SLCO1B3: variants seen among roughly 807,000 people sequenced by gnomAD.
SLCO1B3 encodes the protein liver-specific organic anion transporter 2.
SLCO1B3 carries 72 observed loss-of-function variants against 71.8 expected under a neutral mutation model. The observed-to-expected ratio is 1.00, with a 90% CI of 0.83 to 1.22. SLCO1B3 has a LOEUF of 1.22. Among genes scored for constraint, SLCO1B3 ranks in the 50% most tolerant of loss-of-function variants. The pLI, the probability that SLCO1B3 is intolerant of heterozygous loss-of-function variation, is 0.00. For synonymous variants in SLCO1B3, 298 were observed against 278.4 expected (o/e 1.07, Z -0.70); for missense variants, 911 against 819.7 (o/e 1.11, Z -1.36).
rs942086296 is a variant in SLCO1B3 at position 20,862,804 on chromosome 12, T to C, written c.677T>C (p.Leu226Pro). Residue 226 changes from leucine (L) to proline (P), a missense_variant, in exon 8 of 16, where the codon CTG (leucine) becomes CCG (proline). Coordinates refer to ENST00000381545, the MANE Select transcript of SLCO1B3 (RefSeq NM_019844.4). ...ATTGGTCCAGTCATTGGCTTTGCAC[T>C]GGGATCTCTGTTTGCTAAAATGTAC... The part of the protein sequence containing the change: ...GMIGPVIGFA[L>P]GSLFAKMYVD... The C allele has an allele frequency of 6.2e-7, 1 of 1,611,984 alleles. No homozygotes were observed. The highest frequency in any genetic ancestry group is 8.5e-7 in the Non-Finnish European group (1 of 1,178,188).
intron 3 of SLCO1B3, among the ~76,000 whole-genome samples, chr12:20,844,351 G>C (rs1057355891): frequency 1.1e-4 from 17 of 152,034 alleles, no homozygotes. Flanking sequence ...CGAATCACTT[G>C]AGGTTGGGAG....
chr12:20,911,723 ATGT>A (rs1345548370), intron 15 of SLCO1B3, among the ~76,000 whole-genome samples: 1 of 152,066 alleles, frequency 6.6e-6, no homozygotes, highest in African/African-American at 2.4e-5. Flanking sequence ...TGGGGGCATG[ATGT>A]TGTTTATGGC....
At chr12:20,819,649 T>C (rs1361113719) in intron 3 of SLCO1B3, among the ~76,000 whole-genome samples, 1 of 152,054 alleles carries the variant, frequency 6.6e-6, no homozygotes, top group African/African-American at 2.4e-5. Context: ...TTAGGACAGG[T>C]AAAATGGGGG....
chr12:20,874,128 G>A (rs1274390074), intron 8 of SLCO1B3, among the ~76,000 whole-genome samples: 2 of 152,142 alleles, frequency 1.3e-5, no homozygotes, highest in Non-Finnish European at 2.9e-5. Flanking sequence ...ACCCAGTAAA[G>A]GGATTGCTGG....
intron 3 of SLCO1B3, among the ~76,000 whole-genome samples, chr12:20,835,723 G>C (rs4370982): frequency 0.041 from 6,196 of 152,162 alleles, 167 homozygotes; most frequent in East Asian, 0.094. Flanking sequence ...ACATCTTCCT[G>C]TCTTCTGAGC....
chr12:20,901,791 T>A (rs1456824358), intron 15 of SLCO1B3: 7 of 350,690 alleles, frequency 2.0e-5, no homozygotes, highest in Admixed American at 1.9e-4. Context: ...CAAAGCTCTC[T>A]CCCACTGGCT....
At chr12:20,853,192 A>G (rs1021910931) in intron 3 of SLCO1B3, among the ~76,000 whole-genome samples, 4 of 152,084 alleles carry the variant, frequency 2.6e-5, no homozygotes, top group Admixed American at 2.0e-4. Context: ...TTTTGTATCA[A>G]TATTCACCAG....
At chr12:20,893,740 A>G (rs1336242690) in intron 13 of SLCO1B3, among the ~76,000 whole-genome samples, 1 of 152,188 alleles carries the variant, frequency 6.6e-6, no homozygotes, top group Non-Finnish European at 1.5e-5. Context: ...AAAAAGAGTA[A>G]GAGAGTGAGT....
intron 3 of SLCO1B3, among the ~76,000 whole-genome samples, chr12:20,832,047 G>A (rs916919351): frequency 2.6e-5 from 4 of 152,164 alleles, no homozygotes; most frequent in African/African-American, 7.2e-5. Flanking sequence ...CTGAATTCAG[G>A]CAGTCTGATT....
intron 3 of SLCO1B3, among the ~76,000 whole-genome samples, chr12:20,820,752 G>A (rs1333541329): frequency 2.0e-5 from 3 of 151,960 alleles, no homozygotes; most frequent in East Asian, 1.9e-4. Context: ...TAGGGTCTAG[G>A]GCTGTAAAGC....
chr12:20,877,826 T>G lies in SLCO1B3; in HGVS notation c.1025T>G (p.Leu342Arg), dbSNP rs1865612344. 6.4e-7 allele frequency: 1 copy of G among 1,572,604 alleles called. No individual in the cohort carries two copies. The highest frequency in any genetic ancestry group is 1.2e-5 in the South Asian group (1 of 83,278). ...ILTNPLYVIFLLLTLLQVSSF... is the reference protein window; with the variant it reads ...ILTNPLYVIFRLLTLLQVSSF... Reference sequence around the variant, plus strand: ...ACCAATCCCCTGTATGTTATATTTCTGCTTTTGACATTGTTACAAGTAAGC... The same window carrying G: ...ACCAATCCCCTGTATGTTATATTTCGGCTTTTGACATTGTTACAAGTAAGC... The change falls in exon 10 of 16, where the codon CTG (leucine) becomes CGG (arginine). Residue 342 changes from leucine (L) to arginine (R), a missense_variant. By Grantham distance (102) the Leu-to-Arg change is moderately radical (BLOSUM62 -2). Coordinates refer to ENST00000381545, the MANE Select transcript of SLCO1B3 (RefSeq NM_019844.4).
At chr12:20,845,092 A>G (rs1159924233) in intron 3 of SLCO1B3, 1 of 417,594 alleles carries the variant, frequency 2.4e-6, no homozygotes, top group Non-Finnish European at 4.7e-6. Flanking sequence ...ATTCATTGCT[A>G]ACCAAGGTGA....
At chr12:20,881,475 A>G (rs988319657) in intron 12 of SLCO1B3, among the ~76,000 whole-genome samples, 1 of 152,180 alleles carries the variant, frequency 6.6e-6, no homozygotes, top group Non-Finnish European at 1.5e-5. Flanking sequence ...CATACTGATA[A>G]GTGTAGCTAG....
intron 3 of SLCO1B3, among the ~76,000 whole-genome samples, chr12:20,832,819 C>G (rs1864571966): frequency 6.6e-6 from 1 of 152,202 alleles, no homozygotes; most frequent in South Asian, 2.1e-4. Flanking sequence ...ATAGCATTCC[C>G]TATCCATAAC....
intron 3 of SLCO1B3, among the ~76,000 whole-genome samples, chr12:20,833,523 A>G (rs535802932): frequency 3.4e-4 from 50 of 146,762 alleles, no homozygotes; most frequent in Non-Finnish European, 4.9e-4. Context: ...ATGTATATAC[A>G]TATATAGTTT....
chr12:20,898,257 T>C (rs1323462441), intron 13 of SLCO1B3, among the ~76,000 whole-genome samples, 179 bp from the exon 14 acceptor site: 2 of 152,180 alleles, frequency 1.3e-5, no homozygotes, highest in Non-Finnish European at 2.9e-5. Context: ...TTATTATTAT[T>C]ATCACTCAGG....
chr12:20,817,073 T>C (rs1864206925), intron 3 of SLCO1B3, among the ~76,000 whole-genome samples: 1 of 152,220 alleles, frequency 6.6e-6, no homozygotes, highest in East Asian at 1.9e-4. Context: ...ATAGAATTGT[T>C]TGATCTACTT....
chr12:20,880,827 T>C, intron 11 of SLCO1B3, 28 bp from the exon 12 acceptor site: 2 of 1,488,924 alleles, frequency 1.3e-6, no homozygotes, highest in Non-Finnish European at 9.2e-7. Flanking sequence ...TTCTCTTTTT[T>C]TGATATATTT....
At chr12:20,837,855 G>A (rs1050337075) in intron 3 of SLCO1B3, among the ~76,000 whole-genome samples, 2 of 152,056 alleles carry the variant, frequency 1.3e-5, no homozygotes, top group African/African-American at 4.8e-5. Context: ...GATTAATGGT[G>A]TTATTAAGGT....
Sources: allele counts gnomAD v4.1 joint callset (sites outside exome capture counted in the v4.1 genomes callset), GRCh38; gene constraint gnomAD v4.1.1; transcripts MANE v1.5; gene names NCBI Gene and HGNC (gene_info 2026-07-23, HGNC 2026-07-21).